The following FAAH2 variants were observed in gnomAD, a reference collection of about 807,000 sequenced individuals.
FAAH2 encodes the protein fatty-acid amide hydrolase 2.
In FAAH2, 60 loss-of-function variants were observed where a neutral mutation model predicts 36.9. The observed-to-expected ratio is 1.63, with a 90% CI of 1.32 to 2.02. The LOEUF (loss-of-function observed/expected upper bound fraction) is 2.02, where lower values mean the gene tolerates loss of function less well. FAAH2 is among the 30% of genes most tolerant of loss of function. FAAH2 has a pLI of 0.00. For synonymous variants in FAAH2, 214 were observed against 143.8 expected, an observed-to-expected ratio of 1.49 and a Z score of -3.49; for missense variants, 689 against 397.5, an observed-to-expected ratio of 1.73 and a Z score of -6.23.
the FAAH2 span, among the ~76,000 whole-genome samples, chrX:57,227,991 C>G: frequency 8.9e-6 from 1 of 111,939 alleles, no homozygotes; most frequent in Admixed American, 9.4e-5. Context: ...TCACTCCCAC[C>G]ATGCCCTCAG....
chrX:57,301,369 AC>A (rs1353991120), intron 2 of FAAH2, among the ~76,000 whole-genome samples: 1 of 105,457 alleles, frequency 9.5e-6, no homozygotes, highest in African/African-American at 3.5e-5. Context: ...AGGACAAAAA[AC>A]CAAACACCAC....
chrX:57,214,387 C>T, the FAAH2 span, among the ~76,000 whole-genome samples: 237 of 111,741 alleles, frequency 2.1e-3, no homozygotes, highest in Non-Finnish European at 3.4e-3. Context: ...CTGCCTCTGT[C>T]AATTTTTGTG....
the FAAH2 span, among the ~76,000 whole-genome samples, chrX:57,176,579 G>T: frequency 5.4e-5 from 6 of 111,396 alleles, no homozygotes; most frequent in Non-Finnish European, 9.4e-5. Context: ...GTTTTTCAAA[G>T]ATTTTGTTTT....
chrX:57,456,914 GAA>G (rs1260309891), intron 10 of FAAH2, among the ~76,000 whole-genome samples: 1 of 111,605 alleles, frequency 9.0e-6, no homozygotes, highest in African/African-American at 3.3e-5. Flanking sequence ...GAAAATCGAA[GAA>G]GAGTCTTCTC....
upstream of FAAH2, among the ~76,000 whole-genome samples, chrX:57,286,265 T>C (rs1389276423): frequency 8.9e-6 from 1 of 112,066 alleles, no homozygotes; most frequent in African/African-American, 3.2e-5. Context: ...AAAATATATA[T>C]ATACTTGCCA....
chrX:57,151,738 T>A, the FAAH2 span, among the ~76,000 whole-genome samples: 1 of 111,541 alleles, frequency 9.0e-6, no homozygotes, highest in African/African-American at 3.3e-5. Flanking sequence ...AGTTTGATCG[T>A]CTGAAGCCTT....
chrX:57,213,803 G>A, the FAAH2 span, among the ~76,000 whole-genome samples: 3 of 111,679 alleles, frequency 2.7e-5, no homozygotes, highest in African/African-American at 9.8e-5. Flanking sequence ...ATATTCTGCA[G>A]CTGTTGAATA....
At chrX:57,244,323 C>T in the FAAH2 span, among the ~76,000 whole-genome samples, 1 of 111,301 alleles carries the variant, frequency 9.0e-6, no homozygotes. Context: ...AAACACTCTT[C>T]AGGATATTAT....
intron 4 of FAAH2, among the ~76,000 whole-genome samples, chrX:57,333,498 TAGTAAGGGCTATA>T (rs766836078): frequency 1.3e-4 from 15 of 111,350 alleles, no homozygotes; most frequent in Non-Finnish European, 2.6e-4. Flanking sequence ...GTGATTAATA[TAGTAAGGGCTATA>T]ATGGAAAAAC....
intron 10 of FAAH2, among the ~76,000 whole-genome samples, chrX:57,480,845 C>A (rs2057366585): frequency 9.0e-6 from 1 of 111,058 alleles, no homozygotes; most frequent in Non-Finnish European, 1.9e-5. Context: ...TAACTTGATT[C>A]CATTCTCCCC....
chrX:57,216,770 T>A, the FAAH2 span, among the ~76,000 whole-genome samples: 2 of 102,706 alleles, frequency 1.9e-5, no homozygotes, highest in Non-Finnish European at 4.0e-5. Flanking sequence ...ATAACTTCTT[T>A]TTTTCTGGGT....
chrX:57,287,965 G>T (rs1261793617), intron 1 of FAAH2, among the ~76,000 whole-genome samples: 1 of 110,971 alleles, frequency 9.0e-6, no homozygotes, highest in Admixed American at 9.6e-5. Flanking sequence ...TCTTCTTGCC[G>T]TACCCCCTCC....
rs1555980153 is a variant in FAAH2 at position 57,352,099 on chromosome X, T to TATAC, written c.742+10712_742+10713insCATA. On this transcript the variant is annotated intron_variant, in intron 5 of 10. Coordinates refer to ENST00000374900, the MANE Select transcript of FAAH2 (RefSeq NM_174912.4). ...ATATATGTGTATATATATGCACATATATATATATGTGTATATATATGCACA... is the reference window on the plus strand; with the variant it reads ...ATATATGTGTATATATATGCACATATATACATATATATGTGTATATATATGCACA... 6.1e-4 allele frequency among the ~76,000 whole-genome samples: 9 copies of TATAC among 14,732 alleles called. 1 individual carries two copies. The highest frequency in any genetic ancestry group is 4.0e-3 in the Admixed American group (5 of 1,246). The allele number at this position is 14,732 out of a possible 115,157, so 12.8% of individuals were successfully genotyped here. A position where few individuals can be genotyped will look rare whatever the true frequency, so the allele number is the denominator to read the frequency against.
rs1296748031 is a variant in FAAH2, at chrX:57,357,874, A to T, written c.742+16484A>T. Among the ~76,000 whole-genome samples, 3 of 111,649 alleles carry T rather than the reference A, an allele frequency of 2.7e-5. No individual in the cohort carries two copies. The South Asian group carries it at 1.1e-3, about 42-fold the overall frequency. On this transcript the variant is annotated intron_variant, in intron 5 of 10. Coordinates refer to ENST00000374900, the MANE Select transcript of FAAH2 (RefSeq NM_174912.4). ...GATTATAAATCATTCTACTATAAAG[A>T]CACATGTTCATGTATGTTTATTGAA...
chrX:57,470,784 G>A (rs1457582076), intron 10 of FAAH2, among the ~76,000 whole-genome samples: 1 of 111,253 alleles, frequency 9.0e-6, no homozygotes, highest in Non-Finnish European at 1.9e-5. Context: ...GCCTGGCAGA[G>A]ACACAACCAA....
In FAAH2 at chrX:57,358,685, C is replaced by A. The variant is rs780063641; in HGVS notation, c.742+17295C>A. On this transcript the variant is annotated intron_variant, in intron 5 of 10. Transcript: ENST00000374900. ...TGCATTGATATTCAGAATGCTAAAT[C>A]TCTTTGAAATTCTAGAATTCAAGAT... Among the ~76,000 whole-genome samples, 85 of 111,409 alleles carry A rather than the reference C, an allele frequency of 7.6e-4. 2 individuals carry two copies. The highest frequency in any genetic ancestry group is 2.7e-3 in the African/African-American group (83 of 30,755).
chrX:57,298,632 CA>C (rs1307209833), intron 2 of FAAH2, among the ~76,000 whole-genome samples: 1 of 28,883 alleles, frequency 3.5e-5, no homozygotes, highest in Admixed American at 4.8e-4. Context: ...AATAGAGACA[CA>C]AAAAACCCTT....
chrX:57,145,387 C>T, the FAAH2 span, among the ~76,000 whole-genome samples: 1 of 110,454 alleles, frequency 9.1e-6, no homozygotes, highest in African/African-American at 3.3e-5. Context: ...TGTCCTTACC[C>T]CGCTTTTTGA....
At chrX:57,312,179 C>G (rs1240890037) in intron 3 of FAAH2, among the ~76,000 whole-genome samples, 1 of 112,492 alleles carries the variant, frequency 8.9e-6, no homozygotes, top group Non-Finnish European at 1.9e-5. Flanking sequence ...GGTGCTGTCT[C>G]TTTCTGCTCT....
Sources: allele counts gnomAD v4.1 joint callset (sites outside exome capture counted in the v4.1 genomes callset), GRCh38; gene constraint gnomAD v4.1.1; transcripts MANE v1.5; gene names NCBI Gene and HGNC (gene_info 2026-07-23, HGNC 2026-07-21).